The following TENT4B variants were observed in gnomAD, a reference collection of about 807,000 sequenced individuals.
TENT4B encodes the protein PAP associated domain containing 5.
A neutral mutation model predicts 75.0 loss-of-function variants in TENT4B; 10 were observed. The observed-to-expected ratio is 0.13, with a 90% confidence interval of 0.08 to 0.23. The LOEUF is 0.23. Ranked by LOEUF, TENT4B falls within the 10% of genes least tolerant of loss-of-function variation. The pLI is 1.00. For missense variants in TENT4B, 579 were observed against 893.8 expected (o/e 0.65, Z 4.49); for synonymous variants, 350 against 357.7 (o/e 0.98, Z 0.24).
rs373303890 is a variant in TENT4B, at chr16:50,220,354, T to C, written c.1039-1952T>C. Among the ~76,000 whole-genome samples, 678 of 152,052 alleles carry C rather than the reference T, an allele frequency of 4.5e-3. 1 individual carries two copies. Among genetic ancestry groups the C allele is most frequent in the Non-Finnish European group, 7.4e-3 (503 of 67,968 alleles). On this transcript the variant is annotated intron_variant, in intron 5 of 11. Transcript: ENST00000561678. ...ATGTGGCCACTTTTTTTTTTCTTTT[T>C]TTTTAAGTAGAGATAAGGTCTTGCT...
Position 50,233,019 on chromosome 16 carries a change from T to C in TENT4B, c.*3691T>C. 1.0e-6 allele frequency: 1 copy of C among 984,728 alleles called. No homozygotes were observed. Among genetic ancestry groups the C allele is most frequent in the Non-Finnish European group, 1.2e-6 (1 of 829,258 alleles). The allele number at this position is 984,728 out of a possible 1,614,324, so 61.0% of individuals were successfully genotyped here. A position where few individuals can be genotyped will look rare whatever the true frequency, so the allele number is the denominator to read the frequency against. On this transcript the variant is annotated 3_prime_UTR_variant, in exon 12 of 12. Transcript: ENST00000561678. Reference sequence around the variant, plus strand: ...TATTCTTACCCATCTATTCTTGTTCTCCTAGTTCATTAAACTTTCAGTTAT... The same window carrying C: ...TATTCTTACCCATCTATTCTTGTTCCCCTAGTTCATTAAACTTTCAGTTAT...
intron 1 of TENT4B, among the ~76,000 whole-genome samples, chr16:50,158,969 G>A (rs190071040): frequency 1.3e-5 from 2 of 152,148 alleles, no homozygotes; most frequent in Non-Finnish European, 2.9e-5. Context: ...TTGGAAATAA[G>A]GGCCAGAAGG....
chr16:50,216,157 G>A lies in TENT4B; in HGVS notation c.892G>A (p.Ala298Thr), dbSNP rs760857716. The change falls in exon 4 of 12, where the codon GCA becomes ACA. Residue 298 changes from alanine to threonine, a missense_variant. Coordinates refer to ENST00000561678, the MANE Select transcript of TENT4B (RefSeq NM_001365324.3). The part of the protein sequence containing the change: ...LEEALRKHKV[A>T]DEDSVKVLDK... ...AGAAGCTCTTCGGAAACACAAAGTCGCAGATGAGGATTCGGTGAAAGTTTT... is the reference window on the plus strand; with the variant it reads ...AGAAGCTCTTCGGAAACACAAAGTCACAGATGAGGATTCGGTGAAAGTTTT... The A allele has an allele frequency of 3.7e-6, 6 of 1,613,836 alleles. No individual in the cohort carries two copies. Among genetic ancestry groups the A allele is most frequent in the Non-Finnish European group, 4.2e-6 (5 of 1,179,874 alleles).
intron 1 of TENT4B, among the ~76,000 whole-genome samples, chr16:50,154,756 A>G (rs542891927): frequency 6.6e-6 from 1 of 152,208 alleles, no homozygotes; most frequent in South Asian, 2.1e-4. Context: ...AAGAATAGAA[A>G]CATCCAGAAT....
At chr16:50,176,710 T>C (rs1002694740) in intron 1 of TENT4B, among the ~76,000 whole-genome samples, 1 of 152,010 alleles carries the variant, frequency 6.6e-6, no homozygotes, top group Admixed American at 6.6e-5. Context: ...TTTCACCATA[T>C]TGGCCAGGCT....
chr16:50,185,256 TTG>T (rs1312027267), intron 1 of TENT4B, among the ~76,000 whole-genome samples: 1 of 152,224 alleles, frequency 6.6e-6, no homozygotes, highest in East Asian at 1.9e-4. Context: ...AGGAATTTAC[TTG>T]TATATCGAGA....
At chr16:50,173,005 A>G (rs537418101) in intron 1 of TENT4B, among the ~76,000 whole-genome samples, 27 of 152,152 alleles carry the variant, frequency 1.8e-4, no homozygotes, top group African/African-American at 5.8e-4. Flanking sequence ...CAGTGGCGCA[A>G]TCTTGGCTCA....
chr16:50,193,818 C>G (rs1032292398), intron 1 of TENT4B, among the ~76,000 whole-genome samples: 2 of 152,046 alleles, frequency 1.3e-5, no homozygotes, highest in African/African-American at 4.8e-5. Context: ...TTTGGCAGAC[C>G]TGTCTTAGAG....
At chr16:50,190,335 A>AAAT (rs2038617183) in intron 1 of TENT4B, among the ~76,000 whole-genome samples, 5 of 151,970 alleles carry the variant, frequency 3.3e-5, no homozygotes, top group Admixed American at 3.3e-4. Flanking sequence ...AACAACATTT[A>AAAT]CCTTGTAAGC....
upstream of TENT4B, among the ~76,000 whole-genome samples, chr16:50,153,283 C>A (rs1313434897): frequency 3.6e-5 from 5 of 137,374 alleles, no homozygotes; most frequent in Admixed American, 7.3e-5. Context: ...TCGCTGCCGC[C>A]GCTGCCGCCG....
intron 1 of TENT4B, among the ~76,000 whole-genome samples, chr16:50,170,543 TG>T (rs2038186363): frequency 2.0e-5 from 3 of 152,172 alleles, no homozygotes; most frequent in Non-Finnish European, 4.4e-5. Context: ...GTATGGCCCC[TG>T]TAAGGGAAGG....
At chr16:50,209,284 G>T (rs1449767438) in intron 1 of TENT4B, among the ~76,000 whole-genome samples, 1 of 152,152 alleles carries the variant, frequency 6.6e-6, no homozygotes. Flanking sequence ...TTGTTCTGTC[G>T]TTTATTCATG....
chr16:50,164,340 C>A (rs12934054), intron 1 of TENT4B, among the ~76,000 whole-genome samples: 100,901 of 151,240 alleles, frequency 0.67, 35,486 homozygotes, highest in Non-Finnish European at 0.76. Context: ...GATGAAGTCT[C>A]CCTCTGTCAC....
rs149150404 is a variant in TENT4B at position 50,232,812 on chromosome 16, A to G, written c.*3484A>G. The G allele has an allele frequency of 9.7e-4, 954 of 985,328 alleles. 8 individuals carry two copies. In the African/African-American group the frequency reaches 0.016, roughly 16 times the overall value. 61.0% of individuals were successfully genotyped at this position (985,328 alleles called of 1,614,324 possible). On this transcript the variant is annotated 3_prime_UTR_variant, in exon 12 of 12. Transcript: ENST00000561678. ...CTCAGTTTTACTTTAATATTGATCT[A>G]TAGTTTGATCAGTTCCTTGAATTCT...
At chr16:50,185,738 CTCTT>C (rs1404718967) in intron 1 of TENT4B, among the ~76,000 whole-genome samples, 1 of 152,020 alleles carries the variant, frequency 6.6e-6, no homozygotes, top group Non-Finnish European at 1.5e-5. Flanking sequence ...TCCTCCCTCT[CTCTT>C]TTCTTAAGGA....
At chr16:50,167,133 AC>A (rs1401212972) in intron 1 of TENT4B, among the ~76,000 whole-genome samples, 1 of 152,158 alleles carries the variant, frequency 6.6e-6, no homozygotes, top group Non-Finnish European at 1.5e-5. Flanking sequence ...CAATCTTTTG[AC>A]TTCCCTGGGC....
intron 1 of TENT4B, among the ~76,000 whole-genome samples, chr16:50,189,613 A>G (rs976419426): frequency 2.0e-5 from 3 of 150,728 alleles, no homozygotes; most frequent in South Asian, 2.1e-4. Flanking sequence ...TCCTCTGTAT[A>G]TAACACATCT....
Position 50,233,818 on chromosome 16 carries a change from C to G in TENT4B, c.*4490C>G. The stretch of plus-strand genomic sequence containing the variant: ...ACCAGAGAGATGGATGTAGTGCATT[C>G]CCTTTGGTTATTACACATTTGTGGT... On this transcript the variant is annotated 3_prime_UTR_variant, in exon 12 of 12. Transcript: ENST00000561678. 1.0e-6 allele frequency: 1 copy of G among 985,302 alleles called. No homozygotes were observed. 61.0% of individuals were successfully genotyped at this position (985,302 alleles called of 1,614,324 possible).
chr16:50,180,915 A>G (rs759286084), intron 1 of TENT4B, among the ~76,000 whole-genome samples: 1 of 152,142 alleles, frequency 6.6e-6, no homozygotes, highest in Non-Finnish European at 1.5e-5. Flanking sequence ...AAACTATTAA[A>G]ATAGAATAGT....
Sources: gnomAD v4.1 joint callset for allele counts (sites outside exome capture counted in the v4.1 genomes callset) on GRCh38, gnomAD v4.1.1 for gene constraint, MANE v1.5 for transcripts, NCBI Gene and HGNC (gene_info 2026-07-23, HGNC 2026-07-21) for gene names.